The following WT1 variants were observed in gnomAD, a reference collection of about 807,000 sequenced individuals.
The protein encoded by WT1 is WT1 transcription factor, also known as Wilms tumor protein.
A neutral mutation model predicts 60.8 loss-of-function variants in WT1; 8 were observed. The observed-to-expected ratio is 0.13, with a 90% CI of 0.08 to 0.24. The LOEUF (loss-of-function observed/expected upper bound fraction) is 0.24, where lower values mean the gene tolerates loss of function less well. Ranked by LOEUF, WT1 falls within the 10% of genes least tolerant of loss-of-function variation. The pLI, the probability that WT1 is intolerant of heterozygous loss-of-function variation, is 1.00. For missense variants in WT1, 568 were observed against 711.8 expected (o/e 0.80, Z 2.30); for synonymous variants, 312 against 297.1 (o/e 1.05, Z -0.52).
chr11:32,392,364 G>T (rs1005002338), intron 8 of WT1, among the ~76,000 whole-genome samples: 1 of 152,180 alleles, frequency 6.6e-6, no homozygotes, highest in Non-Finnish European at 1.5e-5. Context: ...TGAATCACAC[G>T]CTACAAATTG....
intron 5 of WT1, among the ~76,000 whole-genome samples, chr11:32,404,268 CAAAAAAA>C (rs61611336): frequency 2.2e-5 from 2 of 89,310 alleles, no homozygotes; most frequent in South Asian, 3.6e-4. Flanking sequence ...GACTCTGTCT[CAAAAAAA>C]AAAAAAAAAA....
rs2133108204 is a variant in WT1 at position 32,435,369 on chromosome 11, C to T, written c.-9G>A. ...AGCAAGAGGAAGTCCAGGATCGCGG[C>T]GAGGAGACGGCGGGGCCCGGGCGCC... On this transcript the variant is annotated 5_prime_UTR_variant, in exon 1 of 10. Transcript: ENST00000452863. 7.8e-7 allele frequency: 1 copy of T among 1,287,910 alleles called. No homozygotes were observed. Among genetic ancestry groups the T allele is most frequent in the Non-Finnish European group, 1.0e-6 (1 of 995,972 alleles). The allele number at this position is 1,287,910 out of a possible 1,614,324, so 79.8% of individuals were successfully genotyped here.
At chr11:32,418,481 T>C (rs1184502719) in intron 3 of WT1, among the ~76,000 whole-genome samples, 2 of 152,214 alleles carry the variant, frequency 1.3e-5, no homozygotes, top group African/African-American at 2.4e-5. Flanking sequence ...TGGTTAATTA[T>C]GAAATTTGAG....
intron 3 of WT1, among the ~76,000 whole-genome samples, chr11:32,418,949 TTCAAAC>T (rs1277471912): frequency 6.6e-6 from 1 of 152,198 alleles, no homozygotes; most frequent in African/African-American, 2.4e-5. Flanking sequence ...GTGAAGTGAC[TTCAAAC>T]TCAAAGTATG....
intron 3 of WT1, among the ~76,000 whole-genome samples, chr11:32,425,235 G>A (rs1057305985): frequency 6.0e-5 from 9 of 149,760 alleles, no homozygotes; most frequent in Non-Finnish European, 1.0e-4. Context: ...GGGAGGGGGA[G>A]AAAAAGCTGG....
At chr11:32,393,791 TACG>T (rs1307431152) in intron 7 of WT1, among the ~76,000 whole-genome samples, 2 of 152,226 alleles carry the variant, frequency 1.3e-5, no homozygotes, top group African/African-American at 2.4e-5. Flanking sequence ...CTTCCCTCAT[TACG>T]ACATTTATTC....
rs548913574 is a variant in WT1 at position 32,405,126 on chromosome 11, A to G, written c.1017-5082T>C. On this transcript the variant is annotated intron_variant, in intron 5 of 9. Coordinates refer to ENST00000452863, the MANE Select transcript of WT1 (RefSeq NM_024426.6). ...TATTCCTATAGGGGCCAAGTAAGAC[A>G]AGTAAAATGAAGGCGACCCTAAAGA... Among the ~76,000 whole-genome samples the G allele has an allele frequency of 1.7e-3, 256 of 152,338 alleles. 2 individuals carry two copies. Among genetic ancestry groups the G allele is most frequent in the African/African-American group, 5.8e-3 (240 of 41,574 alleles).
chr11:32,398,871 A>T (rs1477878610), intron 6 of WT1, among the ~76,000 whole-genome samples: 4 of 151,146 alleles, frequency 2.6e-5, no homozygotes, highest in African/African-American at 9.8e-5. Context: ...CTGAAAAAAG[A>T]CCGAGCCGGG....
intron 5 of WT1, among the ~76,000 whole-genome samples, chr11:32,413,080 G>A (rs7108339): frequency 0.29 from 43,867 of 151,934 alleles, 7,006 homozygotes; most frequent in East Asian, 0.56. Flanking sequence ...CCACTTTTTT[G>A]AAACGAAACA....
At chr11:32,421,124 G>A (rs568568554) in intron 3 of WT1, among the ~76,000 whole-genome samples, 2 of 152,172 alleles carry the variant, frequency 1.3e-5, no homozygotes, top group Non-Finnish European at 2.9e-5. Context: ...GCTGGGGAGG[G>A]GACAAAAATG....
intron 6 of WT1, among the ~76,000 whole-genome samples, chr11:32,396,943 G>T (rs1414453795): frequency 6.6e-6 from 1 of 152,186 alleles, no homozygotes; most frequent in Non-Finnish European, 1.5e-5. Context: ...AGAAGCCCCT[G>T]GATTTGGGGA....
At chr11:32,432,893 G>A (rs1166815932) in intron 1 of WT1, among the ~76,000 whole-genome samples, 1 of 152,220 alleles carries the variant, frequency 6.6e-6, no homozygotes, top group Non-Finnish European at 1.5e-5. Context: ...TTGTGCCCCA[G>A]GGGCATGGAT....
intron 3 of WT1, among the ~76,000 whole-genome samples, chr11:32,426,183 C>T (rs1853029391): frequency 6.6e-6 from 1 of 152,182 alleles, no homozygotes; most frequent in Non-Finnish European, 1.5e-5. Flanking sequence ...CCCAAGAACA[C>T]CTCCCATATC....
At chr11:32,390,154 C>T (rs1851775305) in intron 9 of WT1, among the ~76,000 whole-genome samples, 1 of 152,180 alleles carries the variant, frequency 6.6e-6, no homozygotes. Context: ...GGAAAAGCAG[C>T]TGCAGCTCCA....
At chr11:32,410,873 A>G (rs1852475908) in intron 5 of WT1, among the ~76,000 whole-genome samples, 1 of 152,226 alleles carries the variant, frequency 6.6e-6, no homozygotes, top group Admixed American at 6.5e-5. Context: ...TTTCTGGATA[A>G]CTTTTTATTA....
At chr11:32,415,781 C>A (rs1012611752) in intron 5 of WT1, among the ~76,000 whole-genome samples, 3 of 152,028 alleles carry the variant, frequency 2.0e-5, no homozygotes, top group Non-Finnish European at 4.4e-5. Context: ...AAGAGGAGAT[C>A]TGGATAAAAC....
chr11:32,432,120 A>G lies in WT1; in HGVS notation c.661+2580T>C, dbSNP rs1853332767. On this transcript the variant is annotated intron_variant, in intron 1 of 9. Coordinates refer to ENST00000452863, the MANE Select transcript of WT1 (RefSeq NM_024426.6). ...AATGTTTACAAGATTAGGATGCAAGATATAATATTTAAGAATTTAAAATAT... is the reference window on the plus strand; with the variant it reads ...AATGTTTACAAGATTAGGATGCAAGGTATAATATTTAAGAATTTAAAATAT... Among the ~76,000 whole-genome samples the G allele has an allele frequency of 2.6e-5, 4 of 152,362 alleles. 1 individual carries two copies. In the South Asian group the frequency reaches 8.3e-4, roughly 32 times the overall value.
intron 5 of WT1, among the ~76,000 whole-genome samples, chr11:32,406,077 G>A (rs1852300511): frequency 6.6e-6 from 1 of 152,174 alleles, no homozygotes; most frequent in Non-Finnish European, 1.5e-5. Flanking sequence ...TGGGGGAGTG[G>A]GGAAGGACAG....
chr11:32,407,536 C>A (rs894910252), intron 5 of WT1, among the ~76,000 whole-genome samples: 5 of 152,122 alleles, frequency 3.3e-5, no homozygotes, highest in African/African-American at 9.7e-5. Flanking sequence ...AGGCAGGCAT[C>A]CCCCCATCTT....
Sources: gnomAD v4.1 joint callset for allele counts (sites outside exome capture counted in the v4.1 genomes callset) on GRCh38, gnomAD v4.1.1 for gene constraint, MANE v1.5 for transcripts, NCBI Gene and HGNC (gene_info 2026-07-23, HGNC 2026-07-21) for gene names.